The following PACS1 variants were observed in gnomAD, a reference collection of about 807,000 sequenced individuals.
The protein encoded by PACS1 is PACS-1.
A neutral mutation model predicts 115.0 loss-of-function variants in PACS1; 24 were observed. The observed-to-expected ratio is 0.21, with a 90% CI of 0.15 to 0.29. The LOEUF is 0.29. PACS1 is among the 10% of genes least tolerant of loss of function. The pLI, the probability that PACS1 is intolerant of heterozygous loss-of-function variation, is 1.00. For synonymous variants in PACS1, 453 were observed against 504.5 expected, an observed-to-expected ratio of 0.90 and a Z score of 1.37; for missense variants, 838 against 1,251.2, an observed-to-expected ratio of 0.67 and a Z score of 4.98.
chr11:66,088,162 CTT>C (rs1223857285), intron 1 of PACS1, among the ~76,000 whole-genome samples: 1 of 151,558 alleles, frequency 6.6e-6, no homozygotes, highest in Non-Finnish European at 1.5e-5. Flanking sequence ...CTTTTTTACT[CTT>C]TATATTTATT....
chr11:66,128,646 G>T (rs1858631941), intron 1 of PACS1, among the ~76,000 whole-genome samples: 1 of 152,154 alleles, frequency 6.6e-6, no homozygotes, highest in South Asian at 2.1e-4. Flanking sequence ...CACTTTGGGA[G>T]GCTGAGGAGG....
intron 7 of PACS1, chr11:66,217,340 T>C: frequency 3.0e-6 from 1 of 329,276 alleles, no homozygotes; most frequent in Non-Finnish European, 6.0e-6. Context: ...ACTGTTTTGA[T>C]GACATTTGAG....
chr11:66,078,275 G>C lies in PACS1; in HGVS notation c.356+7433G>C, dbSNP rs1857428259. On this transcript the variant is annotated intron_variant, in intron 1 of 23. Transcript: ENST00000320580. Reference sequence around the variant, plus strand: ...GAAATTGTGATGTGGGTAATTTGCTGTGTATGTTTTTTAGTGACCTCGTAT... The same window carrying C: ...GAAATTGTGATGTGGGTAATTTGCTCTGTATGTTTTTTAGTGACCTCGTAT... 3.3e-5 allele frequency among the ~76,000 whole-genome samples: 5 copies of C among 152,312 alleles called. 1 individual carries two copies. The South Asian group carries it at 1.0e-3, about 32-fold the overall frequency.
rs116471143 is a variant in PACS1, at chr11:66,231,112, G to A, written c.1626+172G>A. Among the ~76,000 whole-genome samples the A allele has an allele frequency of 0.017, 2,593 of 152,364 alleles. 68 individuals are homozygous for A. The highest frequency in any genetic ancestry group is 0.059 in the African/African-American group (2,447 of 41,586). The stretch of plus-strand genomic sequence containing the variant: ...ATTAGAGAGGTCTCCTATATTCCTT[G>A]CTTACTGCCAGTGTGGAACTGGCTT... On this transcript the variant is annotated intron_variant, in intron 13 of 23. Coordinates refer to ENST00000320580, the MANE Select transcript of PACS1 (RefSeq NM_018026.4).
In PACS1 at chr11:66,166,447, T is replaced by G. The variant is rs112761269; in HGVS notation, c.357-27039T>G. Among the ~76,000 whole-genome samples the G allele has an allele frequency of 3.6e-3, 545 of 151,410 alleles. 40 individuals are homozygous for G. The highest frequency in any genetic ancestry group is 0.013 in the African/African-American group (526 of 40,696). On this transcript the variant is annotated intron_variant, in intron 1 of 23. Transcript: ENST00000320580. ...CAGGCGTGAGCCACCATGCACAGCC[T>G]GATGTCACATCTTACAGCTGTCGTC...
chr11:66,233,185 G>A lies in PACS1; in HGVS notation c.1838+119G>A, dbSNP rs1293678749. 2 of 727,816 alleles carry A rather than the reference G, an allele frequency of 2.7e-6. No individual in the cohort carries two copies. The highest frequency in any genetic ancestry group is 3.5e-5 in the African/African-American group (2 of 57,116). The allele number at this position is 727,816 out of a possible 1,614,324, so 45.1% of individuals were successfully genotyped here. ...CCTCATCAGACCAAGAATTTGCAGA[G>A]GGGCGTATGTTTAGGGGGGTGGCGG... On this transcript the variant is annotated intron_variant, in intron 15 of 23. Transcript: ENST00000320580. The surrounding 1 kb of genome is among the most constrained non-coding windows in gnomAD (Gnocchi z 4.5).
chr11:66,092,050 C>T (rs1857676873), intron 1 of PACS1, among the ~76,000 whole-genome samples: 1 of 152,096 alleles, frequency 6.6e-6, no homozygotes, highest in African/African-American at 2.4e-5. Flanking sequence ...AATGGGATGG[C>T]TGGGTCAAAT....
chr11:66,212,781 A>G (rs1855105685), intron 4 of PACS1, among the ~76,000 whole-genome samples: 1 of 152,146 alleles, frequency 6.6e-6, no homozygotes, highest in Non-Finnish European at 1.5e-5. Flanking sequence ...GGTCATCACT[A>G]TACTTGGATG....
intron 10 of PACS1, among the ~76,000 whole-genome samples, chr11:66,225,784 A>T (rs538738076): frequency 6.6e-6 from 1 of 152,328 alleles, no homozygotes; most frequent in East Asian, 1.9e-4. Flanking sequence ...AAACGCGTTT[A>T]ATTAATTTGT....
Position 66,096,209 on chromosome 11 carries a change from C to CT in PACS1, c.356+25391dup, listed in dbSNP as rs66569530. ...TGGTTTTCTTTTTATCTTTTTCTTT[C>CT]TTTTTTTTTTTTTTTTTTTTTTTTG... On this transcript the variant is annotated intron_variant, in intron 1 of 23. Coordinates refer to ENST00000320580, the MANE Select transcript of PACS1 (RefSeq NM_018026.4). Among the ~76,000 whole-genome samples, 1,068 of 119,274 alleles carry CT rather than the reference C, an allele frequency of 9.0e-3. 18 individuals carry two copies. The highest frequency in any genetic ancestry group is 0.066 in the East Asian group (225 of 3,390). The allele number at this position is 119,274 out of a possible 152,430, so 78.2% of individuals were successfully genotyped here.
At chr11:66,189,421 TG>T (rs1854464755) in intron 1 of PACS1, among the ~76,000 whole-genome samples, 1 of 152,244 alleles carries the variant, frequency 6.6e-6, no homozygotes, top group African/African-American at 2.4e-5. Context: ...AAATATTTAT[TG>T]GTCTGTGATG....
intron 1 of PACS1, among the ~76,000 whole-genome samples, chr11:66,177,438 G>A (rs1430564242): frequency 2.6e-5 from 4 of 152,074 alleles, no homozygotes; most frequent in Admixed American, 6.6e-5. Flanking sequence ...TGATCTACCC[G>A]TCTTGGCCTC....
chr11:66,230,618 C>G lies in PACS1; in HGVS notation c.1445C>G (p.Pro482Arg). The G allele has an allele frequency of 6.2e-7, 1 of 1,614,130 alleles. No individual in the cohort carries two copies. Among genetic ancestry groups the G allele is most frequent in the Non-Finnish European group, 8.5e-7 (1 of 1,180,002 alleles). The change falls in exon 12 of 24, where the codon CCC (proline) becomes CGC (arginine). Residue 482 changes from proline to arginine, a missense_variant. By Grantham distance (103) the Pro-to-Arg change is moderately radical. This residue lies in a region of PACS1 where 383 missense variants were observed against 537.0 expected (regional missense o/e 0.71). Coordinates refer to ENST00000320580, the MANE Select transcript of PACS1 (RefSeq NM_018026.4). ...GTTGTGCCGGAGAAAGTCAAAACTCCCATGAAGTCCAGTAAAACGGATCTC... is the reference window on the plus strand; with the variant it reads ...GTTGTGCCGGAGAAAGTCAAAACTCGCATGAAGTCCAGTAAAACGGATCTC... ...SLVVPEKVKTPMKSSKTDLQG... is the reference protein window; with the variant it reads ...SLVVPEKVKTRMKSSKTDLQG...
chr11:66,129,350 T>C (rs1463225546), intron 1 of PACS1, among the ~76,000 whole-genome samples: 1 of 151,664 alleles, frequency 6.6e-6, no homozygotes, highest in African/African-American at 2.4e-5. Context: ...GAGAATCACT[T>C]GTACCTGGAA....
intron 20 of PACS1, 132 bp downstream of exon 20, chr11:66,238,978 C>G: frequency 7.4e-7 from 1 of 1,343,842 alleles, no homozygotes; most frequent in Non-Finnish European, 1.0e-6. Flanking sequence ...AGCCTATGGG[C>G]GCCCTCACTC....
intron 2 of PACS1, among the ~76,000 whole-genome samples, chr11:66,195,075 T>C (rs1421688878): frequency 6.6e-6 from 1 of 151,946 alleles, no homozygotes; most frequent in Non-Finnish European, 1.5e-5. Context: ...AATACAAAAA[T>C]TAGCCAGGCG....
intron 1 of PACS1, among the ~76,000 whole-genome samples, chr11:66,129,878 A>T (rs1053760413): frequency 6.6e-6 from 1 of 152,174 alleles, no homozygotes; most frequent in Non-Finnish European, 1.5e-5. Context: ...TGCTAGAATA[A>T]ATGATGTTAG....
In PACS1 at chr11:66,221,043, C is replaced by G. The variant is rs1214434535; in HGVS notation, c.1200-111C>G. 3 of 1,071,792 alleles carry G rather than the reference C, an allele frequency of 2.8e-6. No individual in the cohort carries two copies. The East Asian group carries it at 7.1e-5, about 25-fold the overall frequency. 66.4% of individuals were successfully genotyped at this position (1,071,792 alleles called of 1,614,324 possible). On this transcript the variant is annotated intron_variant, in intron 9 of 23. Coordinates refer to ENST00000320580, the MANE Select transcript of PACS1 (RefSeq NM_018026.4). ...TGCACTTCCCTGCTCACCGGGCGTT[C>G]TGGACACCTGTAGCTTGTTGACCCA...
At chr11:66,085,087 A>G (rs185904402) in intron 1 of PACS1, among the ~76,000 whole-genome samples, 1 of 152,396 alleles carries the variant, frequency 6.6e-6, no homozygotes, top group African/African-American at 2.4e-5. Flanking sequence ...TGCAGAAGCC[A>G]TTAATAACTG....
Sources: gnomAD v4.1 joint callset for allele counts (sites outside exome capture counted in the v4.1 genomes callset) on GRCh38, gnomAD v4.1.1 for gene constraint, gnomAD v4.1.1 regional missense constraint, Gnocchi (gnomAD v3.1) non-coding constraint, MANE v1.5 for transcripts, NCBI Gene and HGNC (gene_info 2026-07-23, HGNC 2026-07-21) for gene names.